ARHGAP6: variants seen among roughly 807,000 people sequenced by gnomAD.
ARHGAP6 encodes the protein Rho GTPase activating protein 6, also known as rho GTPase-activating protein 6.
ARHGAP6 carries 16 observed loss-of-function variants against 55.7 expected under a neutral mutation model. The observed-to-expected ratio is 0.29, with a 90% CI of 0.19 to 0.44. The LOEUF is 0.44. Ranked by LOEUF, ARHGAP6 falls within the 20% of genes least tolerant of loss-of-function variation. The pLI is 1.00. For synonymous variants in ARHGAP6, 382 were observed against 360.9 expected (o/e 1.06, Z -0.66); for missense variants, 698 against 808.9 (o/e 0.86, Z 1.66).
At chrX:11,442,922 C>T (rs1348048497) in intron 1 of ARHGAP6, among the ~76,000 whole-genome samples, 1 of 112,260 alleles carries the variant, frequency 8.9e-6, no homozygotes, top group Non-Finnish European at 1.9e-5. Context: ...AATGCTGATA[C>T]ATTTCTATCA....
intron 2 of ARHGAP6, among the ~76,000 whole-genome samples, chrX:11,235,485 T>C (rs1368259606): frequency 9.0e-6 from 1 of 111,655 alleles, no homozygotes; most frequent in Non-Finnish European, 1.9e-5. Flanking sequence ...CCCATTGTCT[T>C]GGTGGTTAGC....
At chrX:11,145,901 A>G (rs1042285401) in intron 10 of ARHGAP6, among the ~76,000 whole-genome samples, 1 of 112,423 alleles carries the variant, frequency 8.9e-6, no homozygotes, top group Non-Finnish European at 1.9e-5. Context: ...CCTCCAGGTG[A>G]TTCTGATGCA....
At chrX:11,629,956 A>G (rs1209501936) in intron 1 of ARHGAP6, among the ~76,000 whole-genome samples, 1 of 111,561 alleles carries the variant, frequency 9.0e-6, no homozygotes, top group East Asian at 2.8e-4. Context: ...GGCATATGGC[A>G]CTTTCAAGTC....
In ARHGAP6 at chrX:11,375,523, G is replaced by A. The variant is rs766266503; in HGVS notation, c.589-120816C>T. Among the ~76,000 whole-genome samples, 8 of 111,842 alleles carry A rather than the reference G, an allele frequency of 7.2e-5. No homozygotes were observed. In the South Asian group the frequency reaches 3.0e-3, roughly 42 times the overall value. On this transcript the variant is annotated intron_variant, in intron 1 of 12. Coordinates refer to ENST00000337414, the MANE Select transcript of ARHGAP6 (RefSeq NM_013427.3). ...AACATACCTCTATATTTACGCATGT[G>A]TAATCAGTAATCATGTAACTGTTGT...
intron 2 of ARHGAP6, among the ~76,000 whole-genome samples, chrX:11,204,368 A>G (rs2046674621): frequency 8.9e-6 from 1 of 111,745 alleles, no homozygotes; most frequent in Non-Finnish European, 1.9e-5. Context: ...TGGCTGCCTG[A>G]CTTTGAGCAC....
intron 1 of ARHGAP6, among the ~76,000 whole-genome samples, chrX:11,469,129 T>A (rs1486882422): frequency 1.8e-5 from 2 of 112,725 alleles, no homozygotes; most frequent in African/African-American, 6.4e-5. Context: ...CCACCCAGTC[T>A]ATGGCATTTG....
intron 1 of ARHGAP6, among the ~76,000 whole-genome samples, chrX:11,501,661 T>C (rs977490285): frequency 1.8e-5 from 2 of 111,981 alleles, no homozygotes; most frequent in African/African-American, 6.5e-5. Flanking sequence ...AAACAGTCGA[T>C]TAACACTTAG....
At chrX:11,235,397 T>A (rs12559352) in intron 2 of ARHGAP6, among the ~76,000 whole-genome samples, 30,708 of 110,312 alleles carry the variant, frequency 0.28, 3,424 homozygotes, top group East Asian at 0.57. Context: ...CAGGAAACCA[T>A]TTTTCCCTCC....
chrX:11,637,108 C>G (rs2052427425), intron 1 of ARHGAP6, among the ~76,000 whole-genome samples: 1 of 111,479 alleles, frequency 9.0e-6, no homozygotes, highest in African/African-American at 3.3e-5. Flanking sequence ...AGGCTGTAAA[C>G]TTACGCAGAA....
chrX:11,340,067 G>T (rs766505411), intron 1 of ARHGAP6, among the ~76,000 whole-genome samples: 1 of 111,981 alleles, frequency 8.9e-6, no homozygotes, highest in South Asian at 3.7e-4. Context: ...ACAGTCAACT[G>T]GATGGTGGCT....
At chrX:11,653,740 T>G (rs2052610674) in intron 1 of ARHGAP6, among the ~76,000 whole-genome samples, 1 of 111,867 alleles carries the variant, frequency 8.9e-6, no homozygotes, top group Non-Finnish European at 1.9e-5. Context: ...AATAATTTGT[T>G]TAATGTCACA....
intron 1 of ARHGAP6, among the ~76,000 whole-genome samples, chrX:11,515,210 T>C (rs953139859): frequency 1.8e-5 from 2 of 112,255 alleles, no homozygotes; most frequent in African/African-American, 6.5e-5. Context: ...AGTTCTAGTA[T>C]AATTTCCTTA....
At chrX:11,431,647 C>T (rs1365668497) in intron 1 of ARHGAP6, among the ~76,000 whole-genome samples, 1 of 112,064 alleles carries the variant, frequency 8.9e-6, no homozygotes, top group Non-Finnish European at 1.9e-5. Flanking sequence ...ACCCAGTGCC[C>T]ACACTATGCC....
chrX:11,514,711 C>T (rs1007302251), intron 1 of ARHGAP6, among the ~76,000 whole-genome samples: 28 of 111,145 alleles, frequency 2.5e-4, no homozygotes, highest in African/African-American at 9.2e-4. Flanking sequence ...AACTTAAAGT[C>T]CTCTATGTGA....
Position 11,336,208 on chromosome X carries a change from G to A in ARHGAP6, c.589-81501C>T, listed in dbSNP as rs137910274. Among the ~76,000 whole-genome samples the A allele has an allele frequency of 2.7e-3, 304 of 111,253 alleles. 2 individuals carry two copies. The highest frequency in any genetic ancestry group is 9.5e-3 in the African/African-American group (289 of 30,539). On this transcript the variant is annotated intron_variant, in intron 1 of 12. Transcript: ENST00000337414. ...ATGCCTCTGTGTGAAGTAAGTGGTG[G>A]CAATTTAAAATAACTAATGATCATA... is the stretch of plus-strand genomic sequence containing the variant.
At chrX:11,600,320 C>T (rs1191683964) in intron 1 of ARHGAP6, among the ~76,000 whole-genome samples, 3 of 112,331 alleles carry the variant, frequency 2.7e-5, no homozygotes, top group East Asian at 2.8e-4. Context: ...ATGCTTTCAG[C>T]GTTGAACATG....
chrX:11,575,477 C>T (rs1569404712), intron 1 of ARHGAP6, among the ~76,000 whole-genome samples: 1 of 111,303 alleles, frequency 9.0e-6, no homozygotes, highest in East Asian at 2.8e-4. Context: ...CTGGCTTAGT[C>T]CTTAGGTAAC....
chrX:11,288,083 C>G (rs776266806), intron 1 of ARHGAP6, among the ~76,000 whole-genome samples: 2 of 112,521 alleles, frequency 1.8e-5, no homozygotes, highest in African/African-American at 6.5e-5. Context: ...CTCAGCACGT[C>G]TAATCCTTCT....
At chrX:11,212,092 T>C (rs1017020530) in intron 2 of ARHGAP6, among the ~76,000 whole-genome samples, 3 of 111,588 alleles carry the variant, frequency 2.7e-5, no homozygotes, top group African/African-American at 9.8e-5. Flanking sequence ...ATGTGTCTCC[T>C]AATTTGTTCT....
Sources: allele counts gnomAD v4.1 joint callset (sites outside exome capture counted in the v4.1 genomes callset), GRCh38; gene constraint gnomAD v4.1.1; transcripts MANE v1.5; gene names NCBI Gene and HGNC (gene_info 2026-07-23, HGNC 2026-07-21).